DIAPH2: variants seen among roughly 807,000 people sequenced by gnomAD.
DIAPH2 encodes diaphanous related formin 2.
DIAPH2 carries 35 observed loss-of-function variants against 92.7 expected under a neutral mutation model. The ratio of observed to expected loss-of-function variants is 0.38; its 90% CI spans 0.29 to 0.50. The LOEUF is 0.50. Among genes scored for constraint, DIAPH2 ranks in the 20% least tolerant of loss-of-function variants. The pLI, the probability that DIAPH2 is intolerant of heterozygous loss-of-function variation, is 0.94. For synonymous variants in DIAPH2, 301 were observed against 280.4 expected (o/e 1.07, Z -0.73); for missense variants, 701 against 819.5 (o/e 0.86, Z 1.77).
chrX:97,476,896 A>G (rs1156876078), intron 26 of DIAPH2, among the ~76,000 whole-genome samples: 2 of 89,896 alleles, frequency 2.2e-5, no homozygotes, highest in Non-Finnish European at 4.3e-5. Context: ...GTGAGCCGAG[A>G]TTGCGCCATT....
In DIAPH2 at chrX:97,393,855, A is replaced by G. The variant is rs769063073; in HGVS notation, c.3145+9811A>G. Among the ~76,000 whole-genome samples the G allele has an allele frequency of 9.0e-5, 10 of 111,546 alleles. No homozygotes were observed. The South Asian group carries it at 3.7e-3, about 42-fold the overall frequency. On this transcript the variant is annotated intron_variant, in intron 25 of 26. Coordinates refer to ENST00000324765, the MANE Select transcript of DIAPH2 (RefSeq NM_006729.5). ...TATTAATTTAATCAGGAAGAGTTTT[A>G]CTCCTCCTTGTATAAGATTATATGG... is the stretch of plus-strand genomic sequence containing the variant.
At chrX:97,397,438 C>G (rs1439225207) in intron 25 of DIAPH2, among the ~76,000 whole-genome samples, 1 of 111,190 alleles carries the variant, frequency 9.0e-6, no homozygotes, top group East Asian at 2.8e-4. Context: ...TTTGCTGAGC[C>G]CTGGAGAAAG....
chrX:97,040,384 A>G (rs971729667), intron 17 of DIAPH2, among the ~76,000 whole-genome samples: 1 of 110,889 alleles, frequency 9.0e-6, no homozygotes, highest in Non-Finnish European at 1.9e-5. Flanking sequence ...AGCTAACATC[A>G]TCAGATATCA....
At chrX:97,302,084 G>A (rs762351377) in intron 23 of DIAPH2, among the ~76,000 whole-genome samples, 5 of 107,544 alleles carry the variant, frequency 4.6e-5, no homozygotes, top group Admixed American at 1.0e-4. Flanking sequence ...ATGGTGGTGC[G>A]TGCCTGTAGT....
intron 4 of DIAPH2, among the ~76,000 whole-genome samples, chrX:96,816,329 T>A (rs192320677): frequency 1.8e-5 from 2 of 112,290 alleles, no homozygotes; most frequent in African/African-American, 6.5e-5. Flanking sequence ...ACATAAATTC[T>A]TTTGGATCAA....
chrX:96,962,458 T>C lies in DIAPH2; in HGVS notation c.1936-2635T>C, dbSNP rs979572256. 1.0e-4 allele frequency among the ~76,000 whole-genome samples: 6 copies of C among 57,262 alleles called. No homozygotes were observed. The East Asian group carries it at 1.4e-3, about 13-fold the overall frequency. 49.7% of individuals were successfully genotyped at this position (57,262 alleles called of 115,157 possible). ...ATATATATACATATATACACACACA[T>C]ATATATATACATATATATATACACA... is the stretch of plus-strand genomic sequence containing the variant. On this transcript the variant is annotated intron_variant, in intron 16 of 26. Transcript: ENST00000324765.
intron 17 of DIAPH2, among the ~76,000 whole-genome samples, chrX:97,063,257 A>C (rs2066612271): frequency 9.7e-6 from 1 of 102,963 alleles, no homozygotes; most frequent in Non-Finnish European, 2.0e-5. Flanking sequence ...TCAGCCAGCA[A>C]CAAACAAATT....
chrX:97,563,136 G>A lies in DIAPH2; in HGVS notation c.3242-36117G>A, dbSNP rs374315816. ...TTATCTTGTAATCTGAAAAGGGAGT[G>A]TTATAAAAATTAATAAGGTTTCCTA... is the stretch of plus-strand genomic sequence containing the variant. On this transcript the variant is annotated intron_variant, in intron 26 of 26. Transcript: ENST00000324765. Among the ~76,000 whole-genome samples, 4 of 111,698 alleles carry A rather than the reference G, an allele frequency of 3.6e-5. No homozygotes were observed. In the East Asian group the frequency reaches 8.4e-4, roughly 23 times the overall value.
chrX:97,295,581 A>G lies in DIAPH2; in HGVS notation c.2844+47742A>G, dbSNP rs1199127348. Among the ~76,000 whole-genome samples the G allele has an allele frequency of 3.6e-5, 4 of 111,660 alleles. No individual in the cohort carries two copies. In the Admixed American group the frequency reaches 3.8e-4, roughly 11 times the overall value. On this transcript the variant is annotated intron_variant, in intron 23 of 26. Transcript: ENST00000324765. ...TGGTCTCCATTTTACAGTTGGATCA[A>G]CTGAGGCACAGAGAAATTAGGGACC...
At chrX:97,253,002 A>AG (rs779369674) in intron 23 of DIAPH2, among the ~76,000 whole-genome samples, 1 of 111,550 alleles carries the variant, frequency 9.0e-6, no homozygotes, top group East Asian at 2.8e-4. Context: ...GAAAACCACA[A>AG]GGGGGGCCGG....
intron 16 of DIAPH2, among the ~76,000 whole-genome samples, chrX:96,962,140 T>A (rs777860076): frequency 1.2e-3 from 124 of 105,167 alleles, no homozygotes; most frequent in African/African-American, 4.0e-3. Context: ...CAACTATTAC[T>A]ATGTTAGAGT....
In DIAPH2 at chrX:96,711,394, G is replaced by A. The variant is rs143006867; in HGVS notation, c.133-24364G>A. Among the ~76,000 whole-genome samples the A allele has an allele frequency of 1.3e-4, 15 of 111,664 alleles. No individual in the cohort carries two copies. The South Asian group carries it at 1.9e-3, about 14-fold the overall frequency. On this transcript the variant is annotated intron_variant, in intron 1 of 26. Transcript: ENST00000324765. The stretch of plus-strand genomic sequence containing the variant: ...ATTCTTGCAGGAGTAAGGTGGTATC[G>A]CATTGTGGGTTTAATTTGCACTTCC...
chrX:96,733,651 G>C (rs1201012576), intron 1 of DIAPH2, among the ~76,000 whole-genome samples: 4 of 111,981 alleles, frequency 3.6e-5, no homozygotes, highest in Non-Finnish European at 5.6e-5. Context: ...TTTGTCAGCT[G>C]TGTTCAAAAT....
intron 4 of DIAPH2, among the ~76,000 whole-genome samples, chrX:96,777,529 A>G (rs1299182242): frequency 1.1e-4 from 12 of 111,112 alleles, no homozygotes; most frequent in African/African-American, 3.9e-4. Context: ...GTTCTATTGA[A>G]TTACCATTGC....
chrX:96,773,165 T>G (rs931840052), intron 4 of DIAPH2, among the ~76,000 whole-genome samples: 2 of 110,519 alleles, frequency 1.8e-5, no homozygotes, highest in South Asian at 7.9e-4. Context: ...CCAAAATTAT[T>G]TCAGATTTTC....
chrX:97,209,114 CTT>C (rs1410877657), intron 22 of DIAPH2, among the ~76,000 whole-genome samples: 1 of 110,904 alleles, frequency 9.0e-6, no homozygotes, highest in Non-Finnish European at 1.9e-5. Context: ...TTAAACATAA[CTT>C]AACATTTTCT....
intron 24 of DIAPH2, among the ~76,000 whole-genome samples, chrX:97,380,797 G>T (rs1439929720): frequency 1.8e-5 from 2 of 111,652 alleles, no homozygotes; most frequent in African/African-American, 6.5e-5. Context: ...CTAGTGACCA[G>T]AATCTTATTC....
intron 22 of DIAPH2, among the ~76,000 whole-genome samples, chrX:97,180,023 A>G (rs1326293869): frequency 2.7e-5 from 3 of 111,850 alleles, no homozygotes; most frequent in Non-Finnish European, 5.6e-5. Context: ...GAATTATGGG[A>G]CTAGAATTCA....
intron 10 of DIAPH2, among the ~76,000 whole-genome samples, chrX:96,936,611 C>T (rs751925527): frequency 3.6e-5 from 4 of 111,522 alleles, no homozygotes; most frequent in Non-Finnish European, 7.5e-5. Context: ...TAATGTATTA[C>T]AAAAACATAA....
Sources: gnomAD v4.1 joint callset for allele counts (sites outside exome capture counted in the v4.1 genomes callset) on GRCh38, gnomAD v4.1.1 for gene constraint, MANE v1.5 for transcripts, NCBI Gene and HGNC (gene_info 2026-07-23, HGNC 2026-07-21) for gene names.